FGGY: variants seen among roughly 807,000 people sequenced by gnomAD.
FGGY encodes FGGY carbohydrate kinase domain-containing protein.
A neutral mutation model predicts 71.3 loss-of-function variants in FGGY; 72 were observed. The observed-to-expected ratio is 1.01, with a 90% CI of 0.84 to 1.23. The LOEUF is 1.23. Ranked by LOEUF, FGGY falls within the 50% of genes most tolerant of loss-of-function variation. FGGY has a pLI of 0.00. For synonymous variants in FGGY, 251 were observed against 250.3 expected (o/e 1.00, Z -0.02); for missense variants, 668 against 682.3 (o/e 0.98, Z 0.23).
intron 9 of FGGY, among the ~76,000 whole-genome samples, chr1:59,613,089 C>T (rs981356893): frequency 3.3e-5 from 5 of 152,102 alleles, no homozygotes; most frequent in East Asian, 3.9e-4. Flanking sequence ...GACAGATCAA[C>T]GAGACAGAAC....
intron 7 of FGGY, among the ~76,000 whole-genome samples, chr1:59,543,333 A>G (rs2095473374): frequency 6.6e-6 from 1 of 152,160 alleles, no homozygotes; most frequent in Non-Finnish European, 1.5e-5. Flanking sequence ...TCCCGTTTCT[A>G]GTCTCCTGGG....
At chr1:59,552,226 GTAGA>G (rs1342054518) in intron 7 of FGGY, among the ~76,000 whole-genome samples, 1 of 152,198 alleles carries the variant, frequency 6.6e-6, no homozygotes, top group Non-Finnish European at 1.5e-5. Context: ...CAGAAGAGAA[GTAGA>G]TAGGCTCTTG....
rs1187542459 is a variant in FGGY, at chr1:59,583,523, A to C, written c.904-24280A>C. Among the ~76,000 whole-genome samples the C allele has an allele frequency of 1.4e-5, 2 of 143,352 alleles. 1 individual carries two copies. The highest frequency in any genetic ancestry group is 5.5e-5 in the African/African-American group (2 of 36,596). 94.0% of individuals were successfully genotyped at this position (143,352 alleles called of 152,430 possible). On this transcript the variant is annotated intron_variant, in intron 8 of 15. Coordinates refer to ENST00000303721, the MANE Select transcript of FGGY (RefSeq NM_018291.5). ...AGGTATCTTGAGGATTGGTTGAAGT[A>C]GTGAGCATGAAAGGTCTCTAGAAAA...
At chr1:59,328,937 A>G (rs767505493) in intron 2 of FGGY, among the ~76,000 whole-genome samples, 3 of 152,202 alleles carry the variant, frequency 2.0e-5, no homozygotes, top group Non-Finnish European at 2.9e-5. Context: ...CAAATGCAAT[A>G]GTAACATCAA....
At chr1:59,336,714 A>G (rs541549490) in intron 2 of FGGY, among the ~76,000 whole-genome samples, 4 of 151,748 alleles carry the variant, frequency 2.6e-5, no homozygotes, top group East Asian at 1.9e-4. Context: ...TCATTGTTCA[A>G]CTCCCACTTA....
intron 7 of FGGY, among the ~76,000 whole-genome samples, chr1:59,519,626 T>C (rs10889144): frequency 0.2 from 30,210 of 152,086 alleles, 3,241 homozygotes; most frequent in Middle Eastern, 0.31. Flanking sequence ...AATAATAACA[T>C]TGTTAATTAG....
At chr1:59,389,786 A>G (rs1016571843) in intron 5 of FGGY, among the ~76,000 whole-genome samples, 1 of 152,196 alleles carries the variant, frequency 6.6e-6, no homozygotes, top group Non-Finnish European at 1.5e-5. Context: ...ATTGTAGTAG[A>G]TATAAAGTAG....
intron 7 of FGGY, among the ~76,000 whole-genome samples, chr1:59,542,510 A>T (rs1354064913): frequency 1.7e-5 from 2 of 114,660 alleles, no homozygotes; most frequent in Non-Finnish European, 3.2e-5. Flanking sequence ...CCCAGGCTGG[A>T]GTGCGATGGC....
At chr1:59,512,553 A>G (rs1274843527) in intron 7 of FGGY, 114 bp downstream of exon 7, 5 of 1,149,882 alleles carry the variant, frequency 4.3e-6, no homozygotes, top group South Asian at 2.8e-5. Flanking sequence ...TTGGTGTTTC[A>G]GGATATAATA....
intron 4 of FGGY, among the ~76,000 whole-genome samples, chr1:59,353,544 A>T (rs893127600): frequency 6.6e-6 from 1 of 152,200 alleles, no homozygotes; most frequent in East Asian, 1.9e-4. Flanking sequence ...TGTAATACCA[A>T]TTCCAAAGGC....
intron 14 of FGGY, among the ~76,000 whole-genome samples, chr1:59,691,324 G>A (rs2097584693): frequency 6.6e-6 from 1 of 152,166 alleles, no homozygotes. Flanking sequence ...CTCACCATGG[G>A]GTCACTGTGC....
intron 14 of FGGY, chr1:59,697,806 T>C (rs560143056): frequency 2.5e-4 from 212 of 835,736 alleles, no homozygotes; most frequent in Non-Finnish European, 3.0e-4. Context: ...CTATTTTCTT[T>C]GTTTCTTCTG....
chr1:59,732,142 G>A (rs536906363), intron 14 of FGGY, among the ~76,000 whole-genome samples: 2 of 152,326 alleles, frequency 1.3e-5, no homozygotes, highest in South Asian at 4.1e-4. Flanking sequence ...TGAGGGTTCA[G>A]TTTATTTTCA....
In FGGY at chr1:59,674,080, G is replaced by C. The variant is rs1214274108; in HGVS notation, c.1459G>C (p.Val487Leu). Reference protein sequence around the residue: ...VLSQEVESVLVGAAVLGACAS... With the variant: ...VLSQEVESVLLGAAVLGACAS... ...GTCGCAAGAGGTGGAGTCCGTTCTT[G>C]TGGGTGCTGCTGTTCTGGGTGCCTG... The change falls in exon 14 of 16, where the codon GTG becomes CTG. Residue 487 changes from valine to leucine, a missense_variant. By Grantham distance (32) the Val-to-Leu change is conservative. This residue lies in a region of FGGY where 661 missense variants were observed against 661.6 expected (regional missense o/e 1.00). Coordinates refer to ENST00000303721, the MANE Select transcript of FGGY (RefSeq NM_018291.5). 5 of 1,613,940 alleles carry C rather than the reference G, an allele frequency of 3.1e-6. No individual in the cohort carries two copies. The highest frequency in any genetic ancestry group is 3.3e-4 in the Middle Eastern group (2 of 6,084).
intron 10 of FGGY, among the ~76,000 whole-genome samples, chr1:59,634,710 A>G (rs2096940038): frequency 6.6e-6 from 1 of 152,180 alleles, no homozygotes; most frequent in South Asian, 2.1e-4. Context: ...AAAACTAGAA[A>G]TGAGTTTCTT....
chr1:59,591,635 C>T (rs2096441372), intron 8 of FGGY, among the ~76,000 whole-genome samples: 1 of 152,136 alleles, frequency 6.6e-6, no homozygotes, highest in Non-Finnish European at 1.5e-5. Flanking sequence ...AATAACACCG[C>T]ATATCTATAA....
At chr1:59,676,052 A>G (rs2097432360) in intron 14 of FGGY, among the ~76,000 whole-genome samples, 1 of 152,110 alleles carries the variant, frequency 6.6e-6, no homozygotes, top group African/African-American at 2.4e-5. Context: ...AGACCCTGAC[A>G]TTGCTGGCAC....
intron 11 of FGGY, among the ~76,000 whole-genome samples, chr1:59,655,117 A>G (rs1014575526): frequency 6.6e-6 from 1 of 152,178 alleles, no homozygotes; most frequent in South Asian, 2.1e-4. Context: ...CCCCTCATTA[A>G]TATCCTCAGT....
rs115719810 is a variant in FGGY, at chr1:59,569,050, A to C, written c.903+14823A>C. On this transcript the variant is annotated intron_variant, in intron 8 of 15. Transcript: ENST00000303721. ...ATGTAAAGAAGAGGAATTTGGGGAC[A>C]ACAGTTCAAGAATGGGCAAGGAACA... Among the ~76,000 whole-genome samples the C allele has an allele frequency of 6.1e-3, 934 of 152,334 alleles. 9 individuals carry two copies. Among genetic ancestry groups the C allele is most frequent in the Middle Eastern group, 0.037 (11 of 294 alleles).
Sources: allele counts gnomAD v4.1 joint callset (sites outside exome capture counted in the v4.1 genomes callset), GRCh38; gene constraint gnomAD v4.1.1; regional missense constraint gnomAD v4.1.1; transcripts MANE v1.5; gene names NCBI Gene and HGNC (gene_info 2026-07-23, HGNC 2026-07-21).